ABCD3: variants seen among roughly 807,000 people sequenced by gnomAD.
ABCD3 encodes the protein ATP binding cassette subfamily D member 3, also known as ATP-binding cassette sub-family D member 3.
A neutral mutation model predicts 105.5 loss-of-function variants in ABCD3; 41 were observed. That is an observed-to-expected ratio of 0.39 (90% confidence interval 0.30 to 0.50). The LOEUF (loss-of-function observed/expected upper bound fraction) is 0.50. ABCD3 is among the 20% of genes least tolerant of loss of function. The probability of loss-of-function intolerance (pLI) is 0.84; values close to 1 mark genes in which losing one functional copy is unlikely to be tolerated. For synonymous variants in ABCD3, 258 were observed against 269.0 expected (o/e 0.96, Z 0.40); for missense variants, 622 against 806.3 (o/e 0.77, Z 2.77).
chr1:94,470,880 ATTCTT>A (rs1426877524), intron 4 of ABCD3, among the ~76,000 whole-genome samples: 1 of 152,092 alleles, frequency 6.6e-6, no homozygotes, highest in Non-Finnish European at 1.5e-5. Context: ...TATAGCAATC[ATTCTT>A]TTAAGTATGC....
At chr1:94,415,622 A>G (rs1292463421), upstream of ABCD3, among the ~76,000 whole-genome samples, 1 of 151,882 alleles carries the variant, frequency 6.6e-6, no homozygotes, top group Non-Finnish European at 1.5e-5. Context: ...GAGTTACAGA[A>G]GCAGTCTCCA....
At chr1:94,423,609 T>A (rs1271366242) in intron 1 of ABCD3, among the ~76,000 whole-genome samples, 1 of 152,230 alleles carries the variant, frequency 6.6e-6, no homozygotes, top group Non-Finnish European at 1.5e-5. Flanking sequence ...AGTAGGGCTT[T>A]ATTGAAAATT....
intron 20 of ABCD3, among the ~76,000 whole-genome samples, chr1:94,506,247 C>CT (rs1446204477): frequency 1.3e-5 from 2 of 151,924 alleles, no homozygotes; most frequent in Non-Finnish European, 2.9e-5. Context: ...GTTTAGTGAG[C>CT]TTTCTTTAAT....
chr1:94,483,584 A>T (rs938983911), intron 10 of ABCD3, among the ~76,000 whole-genome samples: 8 of 152,322 alleles, frequency 5.3e-5, no homozygotes, highest in Middle Eastern at 3.4e-3. Context: ...AAAACTGGCT[A>T]GCCATATGTA....
chr1:94,435,457 A>G (rs775807258), intron 1 of ABCD3, among the ~76,000 whole-genome samples: 3 of 152,084 alleles, frequency 2.0e-5, no homozygotes, highest in African/African-American at 7.2e-5. Context: ...ACTTCAGCCT[A>G]GGAGATTGAG....
At chr1:94,418,675 CTT>C in intron 1 of ABCD3, 87 bp downstream of exon 1, 2 of 1,397,266 alleles carry the variant, frequency 1.4e-6, no homozygotes, top group Non-Finnish European at 9.8e-7. Context: ...CGACAGGTCT[CTT>C]TGCCCGACGG....
intron 5 of ABCD3, among the ~76,000 whole-genome samples, chr1:94,474,394 G>A (rs1400030664): frequency 6.6e-6 from 1 of 152,044 alleles, no homozygotes; most frequent in African/African-American, 2.4e-5. Context: ...TAAAATATAA[G>A]TGATTTTCTT....
intron 1 of ABCD3, among the ~76,000 whole-genome samples, chr1:94,422,111 G>GT (rs1316015235): frequency 6.6e-6 from 1 of 152,086 alleles, no homozygotes. Context: ...TTTGTCTTAG[G>GT]TGTTTTCTGT....
the ABCD3 span, among the ~76,000 whole-genome samples, chr1:94,394,644 G>A: frequency 6.6e-6 from 1 of 152,162 alleles, no homozygotes; most frequent in Non-Finnish European, 1.5e-5. Context: ...TGCTGACAAG[G>A]AATGTTCAGG....
In ABCD3 at chr1:94,498,935, C is replaced by G; in HGVS notation, c.1531-10C>G. 1 of 1,612,984 alleles carries G rather than the reference C, an allele frequency of 6.2e-7. No homozygotes were observed. The highest frequency in any genetic ancestry group is 8.5e-7 in the Non-Finnish European group (1 of 1,179,134). On this transcript the variant is annotated splice_polypyrimidine_tract_variant and intron_variant, in intron 18 of 22. Transcript: ENST00000370214. ...TTGCTTCTAATTGACTTTTGCTCTA[C>G]TACTGTCAGAGACCTTACATGACCC...
chr1:94,503,515 C>T (rs1650205480), intron 20 of ABCD3, among the ~76,000 whole-genome samples: 1 of 152,174 alleles, frequency 6.6e-6, no homozygotes, highest in Admixed American at 6.6e-5. Context: ...CCGCAGCCCC[C>T]ACCTACATTT....
chr1:94,410,546 C>T, the ABCD3 span, among the ~76,000 whole-genome samples: 6 of 152,162 alleles, frequency 3.9e-5, no homozygotes, highest in Non-Finnish European at 8.8e-5. Context: ...AAAGCTTAGA[C>T]TGAAACTGAG....
intron 10 of ABCD3, among the ~76,000 whole-genome samples, 169 bp from the exon 11 acceptor site, chr1:94,487,373 A>G (rs532694604): frequency 3.3e-5 from 5 of 152,210 alleles, no homozygotes; most frequent in Admixed American, 6.5e-5. Flanking sequence ...TGTGAAGAGC[A>G]TTGTCCTCGG....
chr1:94,387,638 T>C, the ABCD3 span, among the ~76,000 whole-genome samples: 3 of 152,180 alleles, frequency 2.0e-5, no homozygotes, highest in Non-Finnish European at 4.4e-5. Context: ...AAAATTCAAA[T>C]GTAGGATCAG....
chr1:94,508,885 G>A (rs1275584470), intron 21 of ABCD3, among the ~76,000 whole-genome samples: 3 of 152,142 alleles, frequency 2.0e-5, no homozygotes, highest in South Asian at 2.1e-4. Flanking sequence ...GAAATTTTGG[G>A]CTGAGACAAT....
intron 20 of ABCD3, among the ~76,000 whole-genome samples, chr1:94,501,606 C>G (rs955935883): frequency 9.9e-5 from 15 of 152,116 alleles, no homozygotes; most frequent in Non-Finnish European, 2.1e-4. Flanking sequence ...CCTAAAAGGC[C>G]TAGCCACTTA....
At chr1:94,411,414 C>A in the ABCD3 span, among the ~76,000 whole-genome samples, 1 of 152,082 alleles carries the variant, frequency 6.6e-6, no homozygotes, top group Non-Finnish European at 1.5e-5. Flanking sequence ...AAAATCAAAA[C>A]CACAATGAGA....
At chr1:94,506,827 A>G (rs1171605830) in intron 21 of ABCD3, among the ~76,000 whole-genome samples, 185 bp downstream of exon 21, 4 of 152,016 alleles carry the variant, frequency 2.6e-5, no homozygotes, top group Admixed American at 2.6e-4. Context: ...ACAGTTCTGT[A>G]TATAATTCTC....
intron 10 of ABCD3, among the ~76,000 whole-genome samples, chr1:94,486,042 A>G (rs1335084316): frequency 6.6e-6 from 1 of 152,080 alleles, no homozygotes; most frequent in Non-Finnish European, 1.5e-5. Context: ...AAATACAAAA[A>G]TTAGCCGGTT....
Sources: allele counts gnomAD v4.1 joint callset (sites outside exome capture counted in the v4.1 genomes callset), GRCh38; gene constraint gnomAD v4.1.1; transcripts MANE v1.5; gene names NCBI Gene and HGNC (gene_info 2026-07-23, HGNC 2026-07-21).